The following PPP4R3B variants were observed in gnomAD, a reference collection of about 807,000 sequenced individuals.
PPP4R3B encodes the protein serine/threonine-protein phosphatase 4 regulatory subunit 3B.
PPP4R3B carries 52 observed loss-of-function variants against 95.4 expected under a neutral mutation model. The observed-to-expected ratio is 0.54, with a 90% CI of 0.44 to 0.69. The LOEUF (loss-of-function observed/expected upper bound fraction) is 0.69. PPP4R3B is among the 30% of genes least tolerant of loss of function. The pLI is 0.00. For missense variants in PPP4R3B, 1,003 were observed against 1,005.9 expected, an observed-to-expected ratio of 1.00 and a Z score of 0.04; for synonymous variants, 407 against 343.9, an observed-to-expected ratio of 1.18 and a Z score of -2.03.
chr2:55,553,252 T>C (rs949859560), intron 16 of PPP4R3B, among the ~76,000 whole-genome samples: 4 of 152,238 alleles, frequency 2.6e-5, no homozygotes, highest in African/African-American at 7.2e-5. Flanking sequence ...CAGACACGCC[T>C]ACCCCACAAT....
At chr2:55,567,428 T>A (rs984766787) in intron 13 of PPP4R3B, among the ~76,000 whole-genome samples, 1 of 152,178 alleles carries the variant, frequency 6.6e-6, no homozygotes, top group African/African-American at 2.4e-5. Flanking sequence ...AATGATTTTT[T>A]TTTTTGAGAC....
In PPP4R3B at chr2:55,617,375, G is replaced by T; in HGVS notation, c.-90C>A. On this transcript the variant is annotated 5_prime_UTR_variant, in exon 1 of 17. Coordinates refer to ENST00000616407, the MANE Select transcript of PPP4R3B (RefSeq NM_001122964.3). ...CTTAGGAGACGGTAAAGGCAGTAGT[G>T]GCGGTGGCGGCGGCGGCGGCTTCGG... 1 of 1,363,550 alleles carries T rather than the reference G, an allele frequency of 7.3e-7. No homozygotes were observed. The highest frequency in any genetic ancestry group is 9.6e-7 in the Non-Finnish European group (1 of 1,046,406). The allele number at this position is 1,363,550 out of a possible 1,614,324, so 84.5% of individuals were successfully genotyped here. A position where few individuals can be genotyped will look rare whatever the true frequency, so the allele number is the denominator to read the frequency against.
intron 2 of PPP4R3B, among the ~76,000 whole-genome samples, chr2:55,612,342 G>A (rs1378210363): frequency 6.6e-6 from 1 of 152,220 alleles, no homozygotes; most frequent in African/African-American, 2.4e-5. Context: ...CCTAAATGAT[G>A]CCTTTTACAA....
chr2:55,547,729 C>T lies in PPP4R3B; in HGVS notation c.*2182G>A, dbSNP rs1375811737. The T allele has an allele frequency of 2.6e-5, 4 of 152,130 alleles. No homozygotes were observed. Among genetic ancestry groups the T allele is most frequent in the African/African-American group, 9.7e-5 (4 of 41,398 alleles). 9.4% of individuals were successfully genotyped at this position (152,130 alleles called of 1,614,324 possible). A position where few individuals can be genotyped will look rare whatever the true frequency, so the allele number is the denominator to read the frequency against. The stretch of plus-strand genomic sequence containing the variant: ...GTGAGGTCAGGAGTTTAAGACCAGC[C>T]TGGCCAAGATGGTGAAACCCCGTCT... On this transcript the variant is annotated 3_prime_UTR_variant, in exon 17 of 17. Coordinates refer to ENST00000616407, the MANE Select transcript of PPP4R3B (RefSeq NM_001122964.3).
Position 55,612,740 on chromosome 2 carries a change from C to T in PPP4R3B, c.198+2711G>A, listed in dbSNP as rs942038684. Among the ~76,000 whole-genome samples the T allele has an allele frequency of 2.0e-4, 31 of 152,016 alleles. 1 individual carries two copies. The highest frequency in any genetic ancestry group is 6.0e-4 in the African/African-American group (25 of 41,452). On this transcript the variant is annotated intron_variant, in intron 2 of 16. Transcript: ENST00000616407. ...CGGGCGGATCACGAGGTCAGGAGATCGAGACCATTCTGGCTAACACGGTGA... is the reference window on the plus strand; with the variant it reads ...CGGGCGGATCACGAGGTCAGGAGATTGAGACCATTCTGGCTAACACGGTGA...
Position 55,549,932 on chromosome 2 carries a change from T to C in PPP4R3B, c.2529A>G (p.Lys843=). The C allele has an allele frequency of 6.2e-7, 1 of 1,613,754 alleles. No individual in the cohort carries two copies. The highest frequency in any genetic ancestry group is 8.5e-7 in the Non-Finnish European group (1 of 1,179,822). The change falls in exon 17 of 17, where the codon AAA becomes AAG. Residue 843 remains lysine (K), a synonymous_variant. Coordinates refer to ENST00000616407, the MANE Select transcript of PPP4R3B (RefSeq NM_001122964.3). ...EDEEEESSPR[K]RPRLGS ...TATTTTATGAGCCAAGACGAGGTCTTTTCCTGGGGGACGATTCTTCTTCTT... is the reference window on the plus strand; with the variant it reads ...TATTTTATGAGCCAAGACGAGGTCTCTTCCTGGGGGACGATTCTTCTTCTT...
intron 7 of PPP4R3B, among the ~76,000 whole-genome samples, 158 bp from the exon 8 acceptor site, chr2:55,581,856 G>A (rs1299288652): frequency 6.7e-6 from 1 of 150,116 alleles, no homozygotes; most frequent in Non-Finnish European, 1.5e-5. Flanking sequence ...GCTTTTGAAA[G>A]TTCTATAAAA....
chr2:55,552,592 C>T (rs1434283134), intron 16 of PPP4R3B, among the ~76,000 whole-genome samples: 2 of 152,112 alleles, frequency 1.3e-5, no homozygotes, highest in South Asian at 2.1e-4. Context: ...TGGGGTTTCA[C>T]CATGTTGGCC....
chr2:55,555,238 C>T (rs1221607096), intron 16 of PPP4R3B, among the ~76,000 whole-genome samples: 11 of 144,692 alleles, frequency 7.6e-5, no homozygotes, highest in Non-Finnish European at 1.5e-4. Context: ...CAAGATTGCG[C>T]CACCGCACTC....
Position 55,615,506 on chromosome 2 carries a change from C to G in PPP4R3B, c.143G>C (p.Gly48Ala). Reference sequence around the variant, plus strand: ...TATCTTTGATTCCAAGAGTAGTGATCCTGAAAGATAAAAAATAATACATCA... The same window carrying G: ...TATCTTTGATTCCAAGAGTAGTGATGCTGAAAGATAAAAAATAATACATCA... ...MSLLVRAESD[G>A]SLLLESKINP... Residue 48 changes from glycine to alanine, a missense_variant and splice_region_variant, in exon 2 of 17, where the codon GGA becomes GCA. This residue lies in a region of PPP4R3B where 695 missense variants were observed against 686.2 expected (regional missense o/e 1.01). Transcript: ENST00000616407. 5 of 1,574,290 alleles carry G rather than the reference C, an allele frequency of 3.2e-6. No homozygotes were observed. Among genetic ancestry groups the G allele is most frequent in the Non-Finnish European group, 4.3e-6 (5 of 1,156,780 alleles).
At position 55,564,493 on chromosome 2, in the gene PPP4R3B, G is replaced by A. The variant is rs959849051; in HGVS notation, c.2080C>T (p.Pro694Ser). 2.5e-6 allele frequency: 4 copies of A among 1,593,526 alleles called. No individual in the cohort carries two copies. The highest frequency in any genetic ancestry group is 2.7e-5 in the African/African-American group (2 of 73,618). Residue 694 changes from proline to serine, a missense_variant, in exon 15 of 17, where the codon CCA (proline) becomes TCA (serine). Pro to Ser is a moderately conservative substitution (Grantham distance 74). Transcript: ENST00000616407. Reference protein sequence around the residue: ...DRQNQKLNSVPSILRSNRFRR... With the variant: ...DRQNQKLNSVSSILRSNRFRR... ...AATCTGTTACTACGCAATATAGATGGTACACTGTAAGAAATATATCACAAA... is the reference window on the plus strand; with the variant it reads ...AATCTGTTACTACGCAATATAGATGATACACTGTAAGAAATATATCACAAA...
At chr2:55,558,165 T>C (rs7586124) in intron 16 of PPP4R3B, among the ~76,000 whole-genome samples, 21,404 of 152,086 alleles carry the variant, frequency 0.14, 3,045 homozygotes, top group African/African-American at 0.37. Context: ...TAAACTGGCA[T>C]AGACTTTATG....
intron 15 of PPP4R3B, among the ~76,000 whole-genome samples, chr2:55,563,323 T>C (rs1574701389): frequency 6.6e-6 from 1 of 152,234 alleles, no homozygotes; most frequent in African/African-American, 2.4e-5. Context: ...ACATTCAAAA[T>C]CACAAACTTA....
intron 12 of PPP4R3B, among the ~76,000 whole-genome samples, chr2:55,570,256 C>A (rs566245116): frequency 6.6e-6 from 1 of 152,278 alleles, no homozygotes; most frequent in South Asian, 2.1e-4. Flanking sequence ...TCTCAAAAAA[C>A]AAACAATTTG....
chr2:55,604,795 G>GACAC (rs3069140), intron 2 of PPP4R3B, among the ~76,000 whole-genome samples: 7,291 of 149,826 alleles, frequency 0.049, 599 homozygotes, highest in African/African-American at 0.16. Flanking sequence ...ATAAAACATA[G>GACAC]ACACACACAC....
chr2:55,588,869 C>T lies in PPP4R3B; in HGVS notation c.999+10G>A. 6.3e-7 allele frequency: 1 copy of T among 1,589,064 alleles called. No homozygotes were observed. Among genetic ancestry groups the T allele is most frequent in the Non-Finnish European group, 8.6e-7 (1 of 1,162,176 alleles). On this transcript the variant is annotated intron_variant, in intron 5 of 16. Coordinates refer to ENST00000616407, the MANE Select transcript of PPP4R3B (RefSeq NM_001122964.3). ...AAGTGCTCTTTAAGAGTTTGAATTT[C>T]ATAACTTACCAATTCACGCCGTTTA...
At chr2:55,578,402 G>A (rs1362237679) in intron 9 of PPP4R3B, 60 bp from the exon 10 acceptor site, 1 of 1,225,162 alleles carries the variant, frequency 8.2e-7, no homozygotes, top group Non-Finnish European at 1.0e-6. Flanking sequence ...ATGAGTGTCT[G>A]TTATATTATT....
At chr2:55,588,799 C>A in intron 5 of PPP4R3B, 80 bp downstream of exon 5, 1 of 859,928 alleles carries the variant, frequency 1.2e-6, no homozygotes, top group South Asian at 2.0e-5. Context: ...AAAATTGTCT[C>A]AAGTTAGCAA....
At chr2:55,561,640 T>C (rs1686639616) in intron 15 of PPP4R3B, among the ~76,000 whole-genome samples, 1 of 152,214 alleles carries the variant, frequency 6.6e-6, no homozygotes, top group Non-Finnish European at 1.5e-5. Context: ...ATGTGAAACA[T>C]GGAGTCAAAG....
Sources: allele counts gnomAD v4.1 joint callset (sites outside exome capture counted in the v4.1 genomes callset), GRCh38; gene constraint gnomAD v4.1.1; regional missense constraint gnomAD v4.1.1; transcripts MANE v1.5; gene names NCBI Gene and HGNC (gene_info 2026-07-23, HGNC 2026-07-21).